The following ANTXR1 variants were observed in gnomAD, a reference collection of about 807,000 sequenced individuals.
ANTXR1 encodes the protein anthrax toxin receptor 1.
In ANTXR1, 19 loss-of-function variants were observed where a neutral mutation model predicts 78.1. The observed-to-expected ratio is 0.24, with a 90% CI of 0.17 to 0.36. ANTXR1 has a LOEUF of 0.36. ANTXR1 is among the 10% of genes least tolerant of loss of function. ANTXR1 has a pLI of 1.00. For missense variants in ANTXR1, 518 were observed against 718.6 expected (o/e 0.72, Z 3.19); for synonymous variants, 273 against 260.5 (o/e 1.05, Z -0.46).
intron 8 of ANTXR1, among the ~76,000 whole-genome samples, chr2:69,080,744 T>C (rs1670875600): frequency 6.6e-6 from 1 of 151,948 alleles, no homozygotes; most frequent in Admixed American, 6.6e-5. Flanking sequence ...AGTAAAAGGG[T>C]TGACAAAGAA....
At chr2:69,185,158 TG>T (rs1674386743) in intron 16 of ANTXR1, among the ~76,000 whole-genome samples, 1 of 152,118 alleles carries the variant, frequency 6.6e-6, no homozygotes, top group Non-Finnish European at 1.5e-5. Flanking sequence ...TTGTTAGAAA[TG>T]GACATTCTTC....
In ANTXR1 at chr2:69,206,049, G is replaced by A. The variant is rs576011052; in HGVS notation, c.1434+12634G>A. ...TTCTTTTTGGCTGATACCATTGAGA[G>A]CAGTGTCACGTTGAGAATCCACAGT... On this transcript the variant is annotated intron_variant, in intron 17 of 17. Transcript: ENST00000303714. Among the ~76,000 whole-genome samples the A allele has an allele frequency of 7.2e-5, 11 of 152,226 alleles. 1 individual carries two copies. In the South Asian group the frequency reaches 2.3e-3, roughly 32 times the overall value.
chr2:69,040,522 G>A (rs1669582822), intron 2 of ANTXR1, among the ~76,000 whole-genome samples: 1 of 152,136 alleles, frequency 6.6e-6, no homozygotes, highest in Non-Finnish European at 1.5e-5. Flanking sequence ...CCCAGTTTTA[G>A]CACTGAAAGT....
intron 12 of ANTXR1, among the ~76,000 whole-genome samples, chr2:69,131,185 T>C (rs919884868): frequency 6.6e-6 from 1 of 152,190 alleles, no homozygotes; most frequent in African/African-American, 2.4e-5. Context: ...CCCCTCTTTC[T>C]GATATAAAGA....
At chr2:69,143,230 A>C (rs1673119493) in intron 12 of ANTXR1, among the ~76,000 whole-genome samples, 1 of 152,208 alleles carries the variant, frequency 6.6e-6, no homozygotes, top group Non-Finnish European at 1.5e-5. Context: ...TGAGATCCTA[A>C]GTCTGTTCAA....
chr2:69,163,647 A>G (rs148065277), intron 13 of ANTXR1, among the ~76,000 whole-genome samples: 1 of 152,210 alleles, frequency 6.6e-6, no homozygotes, highest in African/African-American at 2.4e-5. Context: ...TCCTATTGAC[A>G]GTGCTATGTA....
At chr2:69,032,605 G>A (rs550342622) in intron 1 of ANTXR1, among the ~76,000 whole-genome samples, 9 of 152,232 alleles carry the variant, frequency 5.9e-5, no homozygotes, top group Admixed American at 1.3e-4. Context: ...GAATGGAGCC[G>A]CAGCTGTGCA....
chr2:69,175,998 C>T (rs772463128), intron 14 of ANTXR1, among the ~76,000 whole-genome samples: 3 of 151,918 alleles, frequency 2.0e-5, no homozygotes, highest in Non-Finnish European at 2.9e-5. Flanking sequence ...CCAGAGTAGC[C>T]TCCACCCTGG....
intron 12 of ANTXR1, among the ~76,000 whole-genome samples, chr2:69,132,656 C>T (rs532343542): frequency 1.1e-4 from 17 of 152,334 alleles, no homozygotes; most frequent in African/African-American, 3.8e-4. Flanking sequence ...CCAAGGTCAG[C>T]AAACAGTCCA....
chr2:69,120,675 A>G (rs1186297548), intron 10 of ANTXR1, among the ~76,000 whole-genome samples: 1 of 144,664 alleles, frequency 6.9e-6, no homozygotes, highest in South Asian at 2.1e-4. Context: ...GAAAAAAAAG[A>G]TAATAATAAT....
rs912592172 is a variant in ANTXR1 at position 69,013,415 on chromosome 2, C to G, written c.-85C>G. On this transcript the variant is annotated 5_prime_UTR_variant, in exon 1 of 18. Transcript: ENST00000303714. This position sits in a 1 kb window ranked among gnomAD's most constrained non-coding sequence, Gnocchi z 5.0. The stretch of plus-strand genomic sequence containing the variant: ...GGAATAAAGGACCCGCGAGGAAGGG[C>G]CCGCGGATGGCGCGTCCCTGAGGGT... The G allele has an allele frequency of 6.5e-7, 1 of 1,547,754 alleles. No homozygotes were observed. The highest frequency in any genetic ancestry group is 1.4e-5 in the African/African-American group (1 of 74,010).
intron 17 of ANTXR1, among the ~76,000 whole-genome samples, chr2:69,224,412 T>C (rs1312123786): frequency 6.6e-6 from 1 of 152,230 alleles, no homozygotes; most frequent in African/African-American, 2.4e-5. Flanking sequence ...AAAATTGTTC[T>C]GTTTATGGGA....
chr2:69,187,772 G>A (rs147367133), intron 16 of ANTXR1, among the ~76,000 whole-genome samples: 4 of 150,418 alleles, frequency 2.7e-5, no homozygotes, highest in Non-Finnish European at 5.9e-5. Flanking sequence ...ATTTTTTTTG[G>A]TACAGACTGG....
chr2:69,190,497 A>C (rs1674521151), intron 16 of ANTXR1, among the ~76,000 whole-genome samples: 1 of 152,242 alleles, frequency 6.6e-6, no homozygotes, highest in African/African-American at 2.4e-5. Flanking sequence ...TACTATGATC[A>C]TAGGTAACAT....
chr2:69,180,553 C>G (rs995826917), intron 14 of ANTXR1, among the ~76,000 whole-genome samples: 2 of 152,222 alleles, frequency 1.3e-5, no homozygotes, highest in Non-Finnish European at 2.9e-5. Flanking sequence ...AATATAAACA[C>G]TAACTTCTTG....
intron 17 of ANTXR1, among the ~76,000 whole-genome samples, chr2:69,227,395 CT>C (rs1297194830): frequency 1.3e-5 from 2 of 152,118 alleles, no homozygotes; most frequent in African/African-American, 4.8e-5. Flanking sequence ...AAGTAAGAGG[CT>C]GCCCAAAGCC....
chr2:69,145,024 G>A (rs1447020143), intron 12 of ANTXR1, among the ~76,000 whole-genome samples: 3 of 152,164 alleles, frequency 2.0e-5, no homozygotes, highest in African/African-American at 7.2e-5. Context: ...TGAAAAATGA[G>A]GCCAAAAAAT....
At chr2:69,099,143 C>T (rs886150817) in intron 9 of ANTXR1, among the ~76,000 whole-genome samples, 1 of 152,182 alleles carries the variant, frequency 6.6e-6, no homozygotes, top group Non-Finnish European at 1.5e-5. Flanking sequence ...TCCTGGCAGC[C>T]ACCAATCTAC....
At chr2:69,060,247 AATCTGGTAGATCTT>A (rs1030772844) in intron 3 of ANTXR1, among the ~76,000 whole-genome samples, 1 of 152,190 alleles carries the variant, frequency 6.6e-6, no homozygotes, top group Admixed American at 6.5e-5. Context: ...AGCTGGAAGA[AATCTGGTAGATCTT>A]AGCATTCCAC....
Sources: gnomAD v4.1 joint callset for allele counts (sites outside exome capture counted in the v4.1 genomes callset) on GRCh38, gnomAD v4.1.1 for gene constraint, Gnocchi (gnomAD v3.1) non-coding constraint, MANE v1.5 for transcripts, NCBI Gene and HGNC (gene_info 2026-07-23, HGNC 2026-07-21) for gene names.